The following ABCB1 variants were observed in gnomAD, a reference collection of about 807,000 sequenced individuals.
ABCB1 encodes ATP-dependent translocase ABCB1.
ABCB1 carries 69 observed loss-of-function variants against 142.0 expected under a neutral mutation model. The observed-to-expected ratio is 0.49, with a 90% CI of 0.40 to 0.59. ABCB1 has a LOEUF of 0.59. Among genes scored for constraint, ABCB1 ranks in the 20% least tolerant of loss-of-function variants. The pLI is 0.00. For synonymous variants in ABCB1, 532 were observed against 539.2 expected (o/e 0.99, Z 0.18); for missense variants, 1,326 against 1,554.7 (o/e 0.85, Z 2.47).
chr7:87,684,746 C>CAAAAAAAAAAA (rs71524694), intron 1 of ABCB1, among the ~76,000 whole-genome samples: 6 of 37,786 alleles, frequency 1.6e-4, no homozygotes, highest in East Asian at 8.4e-4. Context: ...GACTCCGTCT[C>CAAAAAAAAAAA]AAAAAAAAAA....
chr7:87,638,999 A>T (rs998249223), intron 1 of ABCB1, among the ~76,000 whole-genome samples: 21 of 152,168 alleles, frequency 1.4e-4, no homozygotes, highest in African/African-American at 5.1e-4. Flanking sequence ...AAAAATACAA[A>T]AAATTAGCCA....
chr7:87,650,287 A>T (rs1487335245), intron 1 of ABCB1, among the ~76,000 whole-genome samples: 1 of 152,164 alleles, frequency 6.6e-6, no homozygotes, highest in African/African-American at 2.4e-5. Context: ...GGCTGCTTTA[A>T]CAAATTGTCT....
At chr7:87,601,676 G>T (rs1424864149), upstream of ABCB1, among the ~76,000 whole-genome samples, 5 of 152,204 alleles carry the variant, frequency 3.3e-5, no homozygotes, top group African/African-American at 1.2e-4. Context: ...CGTGCAATCT[G>T]CACAATTCAA....
intron 16 of ABCB1, 96 bp downstream of exon 16, chr7:87,544,727 A>G: frequency 1.6e-6 from 2 of 1,218,564 alleles, no homozygotes; most frequent in Non-Finnish European, 2.4e-6. Context: ...ATTCTGGATA[A>G]CCTCTCTTGT....
chr7:87,666,758 T>G (rs1428753561), intron 1 of ABCB1, among the ~76,000 whole-genome samples: 1 of 152,174 alleles, frequency 6.6e-6, no homozygotes, highest in East Asian at 1.9e-4. Flanking sequence ...TTTTCCCCAT[T>G]GCTTGTTTTT....
At chr7:87,588,078 A>T (rs888223456) in intron 3 of ABCB1, among the ~76,000 whole-genome samples, 4 of 152,070 alleles carry the variant, frequency 2.6e-5, no homozygotes, top group African/African-American at 9.7e-5. Context: ...ACTAGAAGGA[A>T]GGAGATTAAA....
chr7:87,689,152 T>G (rs180794930), intron 1 of ABCB1, among the ~76,000 whole-genome samples: 1 of 152,178 alleles, frequency 6.6e-6, no homozygotes, highest in Admixed American at 6.5e-5. Context: ...TTAAATAAAT[T>G]CTATTATTGA....
chr7:87,578,692 C>CTTTTT (rs35471539), intron 4 of ABCB1, among the ~76,000 whole-genome samples: 4 of 102,654 alleles, frequency 3.9e-5, no homozygotes, highest in Non-Finnish European at 5.8e-5. Context: ...AGACTACTTT[C>CTTTTT]TTTTTTTTTT....
intron 24 of ABCB1, among the ~76,000 whole-genome samples, chr7:87,516,066 C>T (rs372936476): frequency 4.6e-5 from 7 of 152,172 alleles, no homozygotes; most frequent in South Asian, 2.1e-4. Flanking sequence ...GGCAACATAA[C>T]GAGACCCTGT....
chr7:87,520,712 T>C, intron 22 of ABCB1, 64 bp downstream of exon 22: 3 of 1,448,338 alleles, frequency 2.1e-6, no homozygotes, highest in Non-Finnish European at 2.9e-6. Context: ...GTAATCCCTC[T>C]GAAAACAAAT....
intron 1 of ABCB1, among the ~76,000 whole-genome samples, chr7:87,662,400 A>G (rs539505009): frequency 2.0e-5 from 3 of 152,102 alleles, no homozygotes; most frequent in African/African-American, 7.2e-5. Flanking sequence ...AGATTTCAGT[A>G]TTTAATCCAT....
chr7:87,656,026 C>G (rs944503796), intron 1 of ABCB1, among the ~76,000 whole-genome samples: 1 of 152,082 alleles, frequency 6.6e-6, no homozygotes, highest in African/African-American at 2.4e-5. Context: ...GACCCCAAAT[C>G]TGATGGTGCT....
rs1485314090 is a variant in ABCB1, at chr7:87,711,405, A to G, written c.-331+1756T>C. Among the ~76,000 whole-genome samples the G allele has an allele frequency of 2.6e-5, 4 of 151,924 alleles. No individual in the cohort carries two copies. The East Asian group carries it at 7.7e-4, about 29-fold the overall frequency. ...ATTAGTTATTGCTTATCTTTTTAGA[A>G]CAATCTAAACCATTGTTTTTCTTGG... On this transcript the variant is annotated intron_variant, in intron 1 of 28. Coordinates refer to the ABCB1 transcript ENST00000265724.
chr7:87,702,931 T>G (rs1356066084), intron 1 of ABCB1, among the ~76,000 whole-genome samples: 1 of 152,202 alleles, frequency 6.6e-6, no homozygotes, highest in African/African-American at 2.4e-5. Flanking sequence ...TATACCTAAC[T>G]AACTCAACTA....
At chr7:87,546,363 T>C (rs918811463) in intron 14 of ABCB1, among the ~76,000 whole-genome samples, 11 of 152,002 alleles carry the variant, frequency 7.2e-5, no homozygotes, top group African/African-American at 2.7e-4. Flanking sequence ...CCAAGGTGGG[T>C]GGATCACAAG....
chr7:87,517,687 T>C (rs1815313536), intron 23 of ABCB1, among the ~76,000 whole-genome samples: 1 of 152,228 alleles, frequency 6.6e-6, no homozygotes, highest in African/African-American at 2.4e-5. Flanking sequence ...TAAAAACCTA[T>C]GAATTGTGCA....
chr7:87,523,118 A>T (rs550159511), intron 21 of ABCB1, among the ~76,000 whole-genome samples: 1 of 151,282 alleles, frequency 6.6e-6, no homozygotes, highest in Non-Finnish European at 1.5e-5. Context: ...TTTTTTTTTT[A>T]GAAACGGGGT....
chr7:87,595,686 C>G (rs1819172142), intron 3 of ABCB1, 80 bp downstream of exon 3: 2 of 1,174,904 alleles, frequency 1.7e-6, no homozygotes, highest in South Asian at 2.5e-5. Flanking sequence ...AATCTTACAT[C>G]AGATGAAATA....
intron 1 of ABCB1, among the ~76,000 whole-genome samples, chr7:87,677,987 A>G (rs1330279038): frequency 2.0e-5 from 3 of 152,260 alleles, no homozygotes; most frequent in African/African-American, 7.2e-5. Flanking sequence ...AGAAATTCCC[A>G]GATAAAGGAA....
Sources: gnomAD v4.1 joint callset for allele counts (sites outside exome capture counted in the v4.1 genomes callset) on GRCh38, gnomAD v4.1.1 for gene constraint, MANE v1.5 for transcripts, NCBI Gene and HGNC (gene_info 2026-07-23, HGNC 2026-07-21) for gene names.